TTC28: variants seen among roughly 807,000 people sequenced by gnomAD.
TTC28 encodes tetratricopeptide repeat protein 28.
TTC28 carries 61 observed loss-of-function variants against 198.0 expected under a neutral mutation model. The ratio of observed to expected loss-of-function variants is 0.31; its 90% CI spans 0.25 to 0.38. TTC28 has a LOEUF of 0.38. Ranked by LOEUF, TTC28 falls within the 10% of genes least tolerant of loss-of-function variation. The probability of loss-of-function intolerance (pLI) is 1.00; values close to 1 mark genes in which losing one functional copy is unlikely to be tolerated. For synonymous variants in TTC28, 1,171 were observed against 1,297.8 expected, an observed-to-expected ratio of 0.90 and a Z score of 2.10; for missense variants, 2,678 against 3,164.0, an observed-to-expected ratio of 0.85 and a Z score of 3.69.
intron 3 of TTC28, chr22:28,303,710 C>T (rs1376902212): frequency 2.0e-5 from 3 of 152,434 alleles, no homozygotes; most frequent in African/African-American, 4.8e-5. Context: ...CTTATACAAG[C>T]ACCAGGACCA....
At chr22:28,109,525 A>C (rs1942424406) in intron 6 of TTC28, among the ~76,000 whole-genome samples, 1 of 152,276 alleles carries the variant, frequency 6.6e-6, no homozygotes. Context: ...TACAATCAAC[A>C]ATAACAGTGC....
intron 2 of TTC28, among the ~76,000 whole-genome samples, chr22:28,452,290 C>T (rs695459): frequency 0.38 from 56,632 of 148,212 alleles, 10,821 homozygotes; most frequent in South Asian, 0.46. Flanking sequence ...CCCAGGAGGC[C>T]GAGGCAGGAG....
chr22:28,582,832 C>T (rs965301906), intron 2 of TTC28, among the ~76,000 whole-genome samples: 3 of 152,098 alleles, frequency 2.0e-5, no homozygotes, highest in African/African-American at 7.2e-5. Flanking sequence ...AAACATTTTA[C>T]TTGTGATTCA....
chr22:28,122,476 C>T (rs1942812736), intron 6 of TTC28, among the ~76,000 whole-genome samples: 1 of 152,108 alleles, frequency 6.6e-6, no homozygotes, highest in South Asian at 2.1e-4. Context: ...CAGAAAAAAT[C>T]CCTATGTATC....
rs1476098621 is a variant in TTC28, at chr22:28,005,474, T to C, written c.4219-3921A>G. ...GCCCTTGTCACTATCCGCTCCAAGA[T>C]AGGCTGCATTCCTTTGGCTGTTTCT... On this transcript the variant is annotated intron_variant, in intron 14 of 22. Coordinates refer to ENST00000397906, the MANE Select transcript of TTC28 (RefSeq NM_001145418.2). This position sits in a 1 kb window ranked among gnomAD's most constrained non-coding sequence, Gnocchi z 4.9. 1.3e-5 allele frequency among the ~76,000 whole-genome samples: 2 copies of C among 152,166 alleles called. No homozygotes were observed. Among genetic ancestry groups the C allele is most frequent in the East Asian group, 1.9e-4 (1 of 5,192 alleles).
At chr22:28,000,073 C>T (rs541940605) in intron 15 of TTC28, 1 of 152,260 alleles carries the variant, frequency 6.6e-6, no homozygotes, top group Non-Finnish European at 1.5e-5. Flanking sequence ...GCATCTGATA[C>T]CCAGAGTGCT....
chr22:28,211,043 T>C (rs371786423), intron 5 of TTC28, among the ~76,000 whole-genome samples: 2 of 152,134 alleles, frequency 1.3e-5, no homozygotes, highest in African/African-American at 2.4e-5. Flanking sequence ...AGCTTCATAA[T>C]TGAAGGAGAA....
chr22:28,333,934 C>T (rs1021681361), intron 2 of TTC28, among the ~76,000 whole-genome samples: 12 of 152,036 alleles, frequency 7.9e-5, no homozygotes, highest in African/African-American at 2.4e-4. Context: ...ATGTGCCATG[C>T]TGGTGTGCTG....
At chr22:28,044,738 T>C (rs111549653) in intron 12 of TTC28, among the ~76,000 whole-genome samples, 3 of 152,342 alleles carry the variant, frequency 2.0e-5, no homozygotes, top group African/African-American at 7.2e-5. Flanking sequence ...CAAAGCCTTC[T>C]GGCCTCTGGG....
At chr22:28,198,929 G>T (rs949851214) in intron 5 of TTC28, among the ~76,000 whole-genome samples, 2 of 152,082 alleles carry the variant, frequency 1.3e-5, no homozygotes, top group Non-Finnish European at 2.9e-5. Flanking sequence ...CCTGCAAAGT[G>T]GGGTGGGAAA....
In TTC28 at chr22:28,407,909, C is replaced by G. The variant is rs536939717; in HGVS notation, c.382-101266G>C. 2.8e-4 allele frequency among the ~76,000 whole-genome samples: 43 copies of G among 152,330 alleles called. No individual in the cohort carries two copies. The South Asian group carries it at 7.5e-3, about 26-fold the overall frequency. ...GGAATTAAATCGAATGTCATATAGT[C>G]AACATCCTTTCTAAGGCCACAGGAT... On this transcript the variant is annotated intron_variant, in intron 2 of 22. Coordinates refer to ENST00000397906, the MANE Select transcript of TTC28 (RefSeq NM_001145418.2).
chr22:28,615,903 C>A (rs956908934), intron 2 of TTC28, among the ~76,000 whole-genome samples: 1 of 152,058 alleles, frequency 6.6e-6, no homozygotes, highest in African/African-American at 2.4e-5. Context: ...ATGTAACAAA[C>A]CTGCACATTC....
chr22:28,000,488 G>A (rs990749894), intron 15 of TTC28: 2 of 152,472 alleles, frequency 1.3e-5, no homozygotes, highest in African/African-American at 4.8e-5. Context: ...GGGGTCTGAG[G>A]GGTCTGAGGG....
rs1368371551 is a variant in TTC28 at position 28,108,161 on chromosome 22, C to T, written c.1684G>A (p.Val562Met). 4.5e-6 allele frequency: 7 copies of T among 1,551,596 alleles called. No homozygotes were observed. The highest frequency in any genetic ancestry group is 1.4e-5 in the African/African-American group (1 of 73,068). The change falls in exon 7 of 23, where the codon GTG (valine) becomes ATG (methionine). Residue 562 changes from valine (V) to methionine (M), a missense_variant. By Grantham distance (21) the Val-to-Met change is conservative. Transcript: ENST00000397906. ...TGGGCACCCAGGGCCTGGTAGGCCA[C>T]GGCAAGGTTCCCATGTGTGGAGGCC... ...SQASTHGNLA[V>M]AYQALGAHDR...
At chr22:28,325,092 A>G (rs1339578820) in intron 2 of TTC28, among the ~76,000 whole-genome samples, 1 of 151,096 alleles carries the variant, frequency 6.6e-6, no homozygotes, top group Non-Finnish European at 1.5e-5. Context: ...TCGGCTGTGA[A>G]TCCGTCTGGT....
chr22:28,546,692 A>C (rs2049549417), intron 2 of TTC28, among the ~76,000 whole-genome samples: 1 of 152,178 alleles, frequency 6.6e-6, no homozygotes. Flanking sequence ...TGTTATTCAT[A>C]ATACTAAAAA....
intron 2 of TTC28, among the ~76,000 whole-genome samples, chr22:28,533,321 G>A (rs2049184857): frequency 6.6e-6 from 1 of 152,060 alleles, no homozygotes. Flanking sequence ...GCTTCAAAGA[G>A]AATAAAATAC....
intron 2 of TTC28, among the ~76,000 whole-genome samples, chr22:28,433,387 A>G (rs2146207010): frequency 6.6e-6 from 1 of 152,284 alleles, no homozygotes; most frequent in African/African-American, 2.4e-5. Context: ...TAAAGTACCC[A>G]GGTCAAGAGC....
At chr22:28,474,194 G>C (rs1601442539) in intron 2 of TTC28, among the ~76,000 whole-genome samples, 1 of 152,188 alleles carries the variant, frequency 6.6e-6, no homozygotes. Context: ...AGACAGCAAA[G>C]TTTTAAAAGC....
Sources: allele counts gnomAD v4.1 joint callset (sites outside exome capture counted in the v4.1 genomes callset), GRCh38; gene constraint gnomAD v4.1.1; non-coding constraint Gnocchi (gnomAD v3.1); transcripts MANE v1.5; gene names NCBI Gene and HGNC (gene_info 2026-07-23, HGNC 2026-07-21).